The following KCTD13 variants were observed in gnomAD, a reference collection of about 807,000 sequenced individuals.
The protein encoded by KCTD13 is potassium channel tetramerization domain containing 13.
In KCTD13, 15 loss-of-function variants were observed where a neutral mutation model predicts 32.3. The ratio of observed to expected loss-of-function variants is 0.46; its 90% CI spans 0.31 to 0.71. KCTD13 has a LOEUF of 0.71. Ranked by LOEUF, KCTD13 falls within the 30% of genes least tolerant of loss-of-function variation. The pLI is 0.05. For missense variants in KCTD13, 337 were observed against 452.6 expected, an observed-to-expected ratio of 0.74 and a Z score of 2.32; for synonymous variants, 189 against 200.1, an observed-to-expected ratio of 0.94 and a Z score of 0.47.
intron 2 of KCTD13, among the ~76,000 whole-genome samples, chr16:29,917,473 C>T (rs1173709626): frequency 6.6e-6 from 1 of 152,008 alleles, no homozygotes; most frequent in African/African-American, 2.4e-5. Context: ...ATGGCAAAAC[C>T]CCCTTTCTAC....
At chr16:29,919,249 G>A (rs1315391156) in intron 2 of KCTD13, among the ~76,000 whole-genome samples, 3 of 152,156 alleles carry the variant, frequency 2.0e-5, no homozygotes, top group Admixed American at 6.5e-5. Context: ...AGCCAGCATC[G>A]TGAGGAAAAA....
In KCTD13 at chr16:29,912,064, GA is replaced by G; in HGVS notation, c.415-16del. On this transcript the variant is annotated splice_polypyrimidine_tract_variant and intron_variant, in intron 2 of 5. Coordinates refer to ENST00000568000, the MANE Select transcript of KCTD13 (RefSeq NM_178863.5). ...TCCCTTTTTTGCTGGGGAAGAAGCG[GA>G]AGGTGGTTAACAGCACAACCAAAGG... The G allele has an allele frequency of 2.5e-6, 4 of 1,576,538 alleles. No homozygotes were observed. Among genetic ancestry groups the G allele is most frequent in the Non-Finnish European group, 3.5e-6 (4 of 1,157,136 alleles).
At position 29,911,818 on chromosome 16, in the gene KCTD13, G is replaced by A. The variant is rs1182358463; in HGVS notation, c.554C>T (p.Thr185Ile). 1 of 1,612,818 alleles carries A rather than the reference G, an allele frequency of 6.2e-7. No individual in the cohort carries two copies. Among genetic ancestry groups the A allele is most frequent in the Admixed American group, 1.7e-5 (1 of 59,894 alleles). ...TGCCCCGCACCCCGGCGGTCACCTG[G>A]TGTAGGAGTACTTGTTGTTACTGCG... is the stretch of plus-strand genomic sequence containing the variant. ...HNRSNNKYSY[T>I]STSDDNLLKN... Residue 185 changes from threonine (T) to isoleucine (I), a missense_variant, in exon 4 of 6, where the codon ACC becomes ATC. Physicochemically the swap from Thr to Ile is moderately conservative, Grantham distance 89. Around this residue, in one of 3 missense-constraint regions of KCTD13, gnomAD observed 252 missense variants for 340.2 expected, o/e 0.74. Transcript: ENST00000568000.
At position 29,906,459 on chromosome 16, in the gene KCTD13, T is replaced by G; in HGVS notation, c.*413A>C. The G allele has an allele frequency of 2.2e-6, 1 of 457,788 alleles. No homozygotes were observed. 28.4% of individuals were successfully genotyped at this position (457,788 alleles called of 1,614,324 possible). On this transcript the variant is annotated 3_prime_UTR_variant, in exon 6 of 6. Transcript: ENST00000568000. ...CCAGTCTAGTACAAAGTTAAGGAGG[T>G]AGGGAGGATGGTGGGGAGGAGGGGG...
chr16:29,925,789 C>T lies in KCTD13; in HGVS notation c.244+1G>A. The T allele has an allele frequency of 2.5e-6, 4 of 1,613,348 alleles. No homozygotes were observed. Among genetic ancestry groups the T allele is most frequent in the Non-Finnish European group, 3.4e-6 (4 of 1,179,844 alleles). ...GGGCACGGTAGGGGCGCCGCTCGTA[C>T]CTCCGGCATCGGTCAGCACCTCCAC... is the stretch of plus-strand genomic sequence containing the variant. On this transcript the variant is annotated splice_donor_variant, in intron 1 of 5. Transcript: ENST00000568000. LOFTEE classifies it high-confidence loss of function.
chr16:29,906,618 A>G lies in KCTD13; in HGVS notation c.*254T>C. ...ATCCCTCTTAACCAGCTGGAGAGGG[A>G]AGGACGCAGGGCCAGGGTGGGGACA... On this transcript the variant is annotated 3_prime_UTR_variant, in exon 6 of 6. Coordinates refer to ENST00000568000, the MANE Select transcript of KCTD13 (RefSeq NM_178863.5). 1 of 654,816 alleles carries G rather than the reference A, an allele frequency of 1.5e-6. No homozygotes were observed. The highest frequency in any genetic ancestry group is 2.8e-6 in the Non-Finnish European group (1 of 353,224). The allele number at this position is 654,816 out of a possible 1,614,324, so 40.6% of individuals were successfully genotyped here.
At chr16:29,923,966 A>T (rs1019037072) in intron 1 of KCTD13, among the ~76,000 whole-genome samples, 2 of 152,026 alleles carry the variant, frequency 1.3e-5, no homozygotes, top group Admixed American at 6.6e-5. Context: ...CCTGAGGTCA[A>T]GAGTTCGAGA....
At chr16:29,907,979 TAA>T (rs1171441273) in intron 5 of KCTD13, among the ~76,000 whole-genome samples, 5 of 137,442 alleles carry the variant, frequency 3.6e-5, no homozygotes, top group Admixed American at 1.5e-4. Flanking sequence ...CCTCATCTAT[TAA>T]AAAAAAAAAA....
Position 29,923,188 on chromosome 16 carries a change from A to T in KCTD13, c.414+2T>A. The T allele has an allele frequency of 6.2e-7, 1 of 1,614,104 alleles. No individual in the cohort carries two copies. The highest frequency in any genetic ancestry group is 8.5e-7 in the Non-Finnish European group (1 of 1,179,978). On this transcript the variant is annotated splice_donor_variant, in intron 2 of 5. Coordinates refer to ENST00000568000, the MANE Select transcript of KCTD13 (RefSeq NM_178863.5). LOFTEE classifies it high-confidence loss of function. ...AGGCATGGGGACTCCGAAGGCCCTC[A>T]CCTGCAGCGCCAGCTGGCAGTCCTC...
chr16:29,925,706 C>A, intron 1 of KCTD13, 84 bp downstream of exon 1: 1 of 1,379,730 alleles, frequency 7.2e-7, no homozygotes, highest in Non-Finnish European at 1.0e-6. Context: ...AGAGAAGGGG[C>A]ATGAGGAGCC....
In KCTD13 at chr16:29,906,913, C is replaced by T. The variant is rs371170171; in HGVS notation, c.949G>A (p.Asp317Asn). ...ATTTGTTGGCCATGAGGACGCTCGT[C>T]GTGGGTGATATGGCGCCGGACATGG... is the stretch of plus-strand genomic sequence containing the variant. ...RIHVRRHITHDERPHGQQIVF... is the reference protein window; with the variant it reads ...RIHVRRHITHNERPHGQQIVF... Residue 317 changes from aspartate to asparagine, a missense_variant, in exon 6 of 6, where the codon GAC becomes AAC. By Grantham distance (23) the Asp-to-Asn change is conservative. Transcript: ENST00000568000. The T allele has an allele frequency of 1.4e-5, 22 of 1,614,104 alleles. No homozygotes were observed. In the Admixed American group the frequency reaches 1.5e-4, roughly 11 times the overall value.
chr16:29,912,154 G>T, intron 2 of KCTD13, 105 bp from the exon 3 acceptor site: 2 of 750,244 alleles, frequency 2.7e-6, no homozygotes. Context: ...ACTCCTCAGT[G>T]GTCCGCAGGG....
intron 1 of KCTD13, among the ~76,000 whole-genome samples, chr16:29,923,897 G>A (rs1045448712): frequency 2.0e-5 from 3 of 148,450 alleles, no homozygotes; most frequent in Non-Finnish European, 4.5e-5. Context: ...AAAGAAGGCC[G>A]GGCACGGTGA....
intron 2 of KCTD13, chr16:29,914,667 A>T (rs183458365): frequency 1.1e-4 from 16 of 152,336 alleles, no homozygotes; most frequent in Middle Eastern, 6.8e-3. Context: ...TCCTGACCTC[A>T]GGTGATCCAC....
At chr16:29,909,666 C>T (rs904656741) in intron 5 of KCTD13, among the ~76,000 whole-genome samples, 3 of 150,828 alleles carry the variant, frequency 2.0e-5, no homozygotes, top group Admixed American at 6.6e-5. Context: ...CTATTTTTGG[C>T]AATGGGCCTT....
In KCTD13 at chr16:29,910,557, C is replaced by T. The variant is rs528082214; in HGVS notation, c.753+421G>A. On this transcript the variant is annotated intron_variant, in intron 5 of 5. Coordinates refer to ENST00000568000, the MANE Select transcript of KCTD13 (RefSeq NM_178863.5). ...GACTTCTTACAGAGATCAGGTCCCA[C>T]GATGTTGCCCAGGCTGGTCTCGAAC... is the stretch of plus-strand genomic sequence containing the variant. 2.0e-5 allele frequency among the ~76,000 whole-genome samples: 3 copies of T among 152,192 alleles called. No homozygotes were observed. In the South Asian group the frequency reaches 6.2e-4, roughly 32 times the overall value.
chr16:29,918,169 TGTAATTACTGGTTCAGG>T (rs2068842601), intron 2 of KCTD13, among the ~76,000 whole-genome samples: 1 of 152,222 alleles, frequency 6.6e-6, no homozygotes, highest in African/African-American at 2.4e-5. Context: ...GTGGCACAAA[TGTAATTACTGGTTCAGG>T]TAAGGATTAT....
At chr16:29,920,944 T>C (rs1277204445) in intron 2 of KCTD13, 2 of 152,160 alleles carry the variant, frequency 1.3e-5, no homozygotes, top group East Asian at 3.8e-4. Context: ...AGGATGCTCA[T>C]GGTGACACGG....
chr16:29,925,962 G>A lies in KCTD13; in HGVS notation c.72C>T (p.Leu24=), dbSNP rs778182979. ...PSLEAPKPSG[L]EPGPAAYGLK... ...GACCGTAGGCGGCGGGGCCAGGCTC[G>A]AGACCCGAGGGCTTGGGGGCTTCCA... The change falls in exon 1 of 6, where the codon CTC becomes CTT. Residue 24 remains leucine (L), a synonymous_variant. Transcript: ENST00000568000. The A allele has an allele frequency of 1.2e-6, 2 of 1,613,056 alleles. No homozygotes were observed. The highest frequency in any genetic ancestry group is 2.7e-5 in the African/African-American group (2 of 74,876).
Sources: allele counts gnomAD v4.1 joint callset (sites outside exome capture counted in the v4.1 genomes callset), GRCh38; gene constraint gnomAD v4.1.1; regional missense constraint gnomAD v4.1.1; transcripts MANE v1.5; gene names NCBI Gene and HGNC (gene_info 2026-07-23, HGNC 2026-07-21).